Variants in STAT4 observed in about 807,000 individuals in gnomAD.
The protein encoded by STAT4 is signal transducer and activator of transcription 4.
STAT4 carries 42 observed loss-of-function variants against 110.5 expected under a neutral mutation model. The ratio of observed to expected loss-of-function variants is 0.38; its 90% CI spans 0.30 to 0.49. STAT4 has a LOEUF of 0.49. STAT4 is among the 20% of genes least tolerant of loss of function. The probability of loss-of-function intolerance (pLI) is 0.95; values close to 1 mark genes in which losing one functional copy is unlikely to be tolerated. For synonymous variants in STAT4, 284 were observed against 302.2 expected, an observed-to-expected ratio of 0.94 and a Z score of 0.63; for missense variants, 632 against 887.9, an observed-to-expected ratio of 0.71 and a Z score of 3.66.
At chr2:191,076,423 A>AT in intron 3 of STAT4, 98 bp from the exon 4 acceptor site, 1 of 839,248 alleles carries the variant, frequency 1.2e-6, no homozygotes, top group African/African-American at 1.7e-5. Context: ...ACAATCTCCT[A>AT]TTAAATATGT....
chr2:191,111,302 G>A (rs1698415191), intron 3 of STAT4, among the ~76,000 whole-genome samples: 1 of 152,010 alleles, frequency 6.6e-6, no homozygotes, highest in Non-Finnish European at 1.5e-5. Flanking sequence ...AACATTTTAG[G>A]AAGACACGCA....
intron 3 of STAT4, among the ~76,000 whole-genome samples, chr2:191,098,131 G>A (rs1406906489): frequency 6.6e-6 from 1 of 152,232 alleles, no homozygotes; most frequent in Non-Finnish European, 1.5e-5. Flanking sequence ...TGGAGAGGAT[G>A]TGGAGAAATA....
intron 3 of STAT4, among the ~76,000 whole-genome samples, chr2:191,084,639 G>A (rs1364117102): frequency 6.6e-6 from 1 of 151,948 alleles, no homozygotes; most frequent in Non-Finnish European, 1.5e-5. Flanking sequence ...GAAAACTGAA[G>A]GTTTAAACAA....
chr2:191,076,390 AT>A, intron 3 of STAT4, 65 bp from the exon 4 acceptor site: 1 of 1,183,530 alleles, frequency 8.4e-7, no homozygotes, highest in African/African-American at 1.5e-5. Flanking sequence ...TCATAAGAAA[AT>A]ATCACCTCTT....
chr2:191,032,494 G>A lies in STAT4; in HGVS notation c.2044+464C>T, dbSNP rs1370153025. On this transcript the variant is annotated intron_variant, in intron 21 of 23. Coordinates refer to ENST00000392320, the MANE Select transcript of STAT4 (RefSeq NM_003151.4). The surrounding 1 kb of genome is among the most constrained non-coding windows in gnomAD (Gnocchi z 4.9). ...TCCACAGGTCCCCTCCCTAGCAAAT[G>A]AACAAATACCCTGAGTTGTAAGACT... Among the ~76,000 whole-genome samples, 1 of 152,124 alleles carries A rather than the reference G, an allele frequency of 6.6e-6. No individual in the cohort carries two copies. The highest frequency in any genetic ancestry group is 2.4e-5 in the African/African-American group (1 of 41,406).
Position 191,033,899 on chromosome 2 carries a change from C to T in STAT4, c.1715+12G>A. ...TAATTAACTCATATGAAAAATATAG[C>T]CTATAACTTACCCATCAATCCAAAG... On this transcript the variant is annotated intron_variant, in intron 19 of 23. Coordinates refer to ENST00000392320, the MANE Select transcript of STAT4 (RefSeq NM_003151.4). The surrounding 1 kb of genome is among the most constrained non-coding windows in gnomAD (Gnocchi z 6.9). 6.3e-7 allele frequency: 1 copy of T among 1,582,282 alleles called. No individual in the cohort carries two copies. Among genetic ancestry groups the T allele is most frequent in the South Asian group, 1.2e-5 (1 of 86,942 alleles).
In STAT4 at chr2:191,144,600, G is replaced by A. The variant is rs926217576; in HGVS notation, c.273+2013C>T. On this transcript the variant is annotated intron_variant, in intron 3 of 23. Transcript: ENST00000392320. This position sits in a 1 kb window ranked among gnomAD's most constrained non-coding sequence, Gnocchi z 4.7. ...AGCTGAAGCGTGACTGGGGGTAACT[G>A]CAGGTTTTTGAGCAGTGGCGTAGTG... 2.7e-5 allele frequency among the ~76,000 whole-genome samples: 4 copies of A among 150,772 alleles called. No homozygotes were observed. The highest frequency in any genetic ancestry group is 9.7e-5 in the African/African-American group (4 of 41,398).
intron 3 of STAT4, among the ~76,000 whole-genome samples, chr2:191,122,316 T>C (rs1035864292): frequency 2.5e-5 from 3 of 122,036 alleles, no homozygotes; most frequent in African/African-American, 8.5e-5. Context: ...ACACCCTGAA[T>C]TCATAAAAAT....
At position 191,062,860 on chromosome 2, in the gene STAT4, C is replaced by T; in HGVS notation, c.843G>A (p.Glu281=). 6.2e-7 allele frequency: 1 copy of T among 1,613,898 alleles called. No individual in the cohort carries two copies. The highest frequency in any genetic ancestry group is 8.5e-7 in the Non-Finnish European group (1 of 1,179,888). The change falls in exon 9 of 24, where the codon GAG becomes GAA. Residue 281 remains glutamate (E), a synonymous_variant. Transcript: ENST00000392320. This position sits in a 1 kb window ranked among gnomAD's most constrained non-coding sequence, Gnocchi z 4.9. ...QLRRQLEKLE[E]QSTKMTYEGD... ...CTTCATATGTCATTTTGGTAGATTG[C>T]TCCTCTAGTTTCTCCAATTGCCTTC... is the stretch of plus-strand genomic sequence containing the variant.
chr2:191,114,258 C>T (rs538592118), intron 3 of STAT4, among the ~76,000 whole-genome samples: 10 of 152,214 alleles, frequency 6.6e-5, no homozygotes, highest in Middle Eastern at 3.4e-3. Context: ...GCCAAAATCA[C>T]GGTAATGAGA....
At chr2:191,057,690 C>G (rs753840709) in intron 13 of STAT4, among the ~76,000 whole-genome samples, 2 of 150,414 alleles carry the variant, frequency 1.3e-5, no homozygotes, top group Non-Finnish European at 2.9e-5. Context: ...CCTCCGTCTG[C>G]CGGGTTCAAG....
chr2:191,094,517 T>G (rs1697902990), intron 3 of STAT4, among the ~76,000 whole-genome samples: 1 of 152,052 alleles, frequency 6.6e-6, no homozygotes, highest in Admixed American at 6.6e-5. Context: ...AGAAATAAAA[T>G]CCTTTACAGA....
Position 191,066,400 on chromosome 2 carries a change from C to T in STAT4, c.630+30G>A, listed in dbSNP as rs751441800. ...GTTTAGAAAAAAGGAGAAAAATAGG[C>T]AAAAGCCCAAATTAAAATTCTTCAC... On this transcript the variant is annotated intron_variant, in intron 7 of 23. Transcript: ENST00000392320. The surrounding 1 kb of genome is among the most constrained non-coding windows in gnomAD (Gnocchi z 4.3). The T allele has an allele frequency of 7.6e-6, 12 of 1,587,244 alleles. No homozygotes were observed. The highest frequency in any genetic ancestry group is 1.0e-5 in the Non-Finnish European group (12 of 1,156,962).
At chr2:191,034,033 CAA>C (rs1185206826) in intron 18 of STAT4, 28 bp from the exon 19 acceptor site, 2 of 1,429,022 alleles carry the variant, frequency 1.4e-6, no homozygotes, top group Non-Finnish European at 1.9e-6. Flanking sequence ...CACATTAAGA[CAA>C]TGATTATTTA....
intron 14 of STAT4, among the ~76,000 whole-genome samples, chr2:191,044,626 G>A (rs1048753980): frequency 3.3e-5 from 5 of 152,044 alleles, no homozygotes; most frequent in African/African-American, 1.2e-4. Context: ...ACGGTGAAAG[G>A]GAGTTTCAAA....
chr2:191,031,380 G>T lies in STAT4; in HGVS notation c.2111+70C>A. 1 of 1,461,076 alleles carries T rather than the reference G, an allele frequency of 6.8e-7. No homozygotes were observed. Among genetic ancestry groups the T allele is most frequent in the Non-Finnish European group, 9.5e-7 (1 of 1,058,172 alleles). 90.5% of individuals were successfully genotyped at this position (1,461,076 alleles called of 1,614,324 possible). A position where few individuals can be genotyped will look rare whatever the true frequency, so the allele number is the denominator to read the frequency against. ...CTTTGTTCTCAGTTATGTGTACTCT[G>T]CTCTACCTTTAAATCTCCTATAGGA... On this transcript the variant is annotated intron_variant, in intron 22 of 23. Coordinates refer to ENST00000392320, the MANE Select transcript of STAT4 (RefSeq NM_003151.4). The surrounding 1 kb of genome is among the most constrained non-coding windows in gnomAD (Gnocchi z 4.8).
Position 191,066,531 on chromosome 2 carries a change from G to T in STAT4, c.545-16C>A, listed in dbSNP as rs762654467. ...TCACTCTGATCTGCAAAGGTAAAGA[G>T]ATCAGATTTAGAGTTCTCTCTATTC... On this transcript the variant is annotated splice_polypyrimidine_tract_variant and intron_variant, in intron 6 of 23. Transcript: ENST00000392320. This position sits in a 1 kb window ranked among gnomAD's most constrained non-coding sequence, Gnocchi z 4.3. 5.6e-6 allele frequency: 9 copies of T among 1,610,452 alleles called. No individual in the cohort carries two copies. The highest frequency in any genetic ancestry group is 7.6e-6 in the Non-Finnish European group (9 of 1,177,582).
chr2:191,040,534 T>C (rs1696162338), intron 15 of STAT4, among the ~76,000 whole-genome samples: 1 of 152,044 alleles, frequency 6.6e-6, no homozygotes, highest in Admixed American at 6.6e-5. Flanking sequence ...TTCGTAATAC[T>C]CTTGAGCTTT....
chr2:191,125,890 G>C (rs1343287038), intron 3 of STAT4, among the ~76,000 whole-genome samples: 3 of 152,102 alleles, frequency 2.0e-5, no homozygotes, highest in Non-Finnish European at 4.4e-5. Flanking sequence ...AGGTCAGAGG[G>C]TGCCTGGTGA....
Sources: gnomAD v4.1 joint callset for allele counts (sites outside exome capture counted in the v4.1 genomes callset) on GRCh38, gnomAD v4.1.1 for gene constraint, Gnocchi (gnomAD v3.1) non-coding constraint, MANE v1.5 for transcripts, NCBI Gene and HGNC (gene_info 2026-07-23, HGNC 2026-07-21) for gene names.